CSNK1D: variants seen among roughly 807,000 people sequenced by gnomAD.
CSNK1D encodes the protein casein kinase I isoform delta.
Under a neutral mutation model 46.6 loss-of-function variants are expected in CSNK1D, and 16 were observed. That is an observed-to-expected ratio of 0.34 (90% CI 0.23 to 0.52). The LOEUF is 0.52. CSNK1D is among the 20% of genes least tolerant of loss of function. The probability of loss-of-function intolerance (pLI) is 0.95; values close to 1 mark genes in which losing one functional copy is unlikely to be tolerated. For missense variants in CSNK1D, 398 were observed against 578.4 expected, an observed-to-expected ratio of 0.69 and a Z score of 3.20; for synonymous variants, 276 against 228.2, an observed-to-expected ratio of 1.21 and a Z score of -1.89.
intron 2 of CSNK1D, among the ~76,000 whole-genome samples, chr17:82,256,908 C>T (rs1047562628): frequency 8.5e-5 from 13 of 152,188 alleles, no homozygotes; most frequent in African/African-American, 3.1e-4. Context: ...TTAGTTTAGT[C>T]TTAAAGCAAG....
At chr17:82,259,675 C>T (rs773756993) in intron 2 of CSNK1D, among the ~76,000 whole-genome samples, 11 of 152,180 alleles carry the variant, frequency 7.2e-5, no homozygotes, top group Non-Finnish European at 1.3e-4. Flanking sequence ...GCTAGAAGCT[C>T]CCCAGGGCTC....
Position 82,244,013 on chromosome 17 carries a change from C to T in CSNK1D, c.*768G>A, listed in dbSNP as rs890135080. On this transcript the variant is annotated 3_prime_UTR_variant, in exon 9 of 9. Transcript: ENST00000314028. ...TAACACCCACTGCACCCCTGCCCCG[C>T]GGCAGCCTGCGGTCCCTAACTGCTC... 4.1e-6 allele frequency: 4 copies of T among 987,000 alleles called. No individual in the cohort carries two copies. The highest frequency in any genetic ancestry group is 1.1e-4 in the East Asian group (1 of 8,854). 61.1% of individuals were successfully genotyped at this position (987,000 alleles called of 1,614,324 possible). A position where few individuals can be genotyped will look rare whatever the true frequency, so the allele number is the denominator to read the frequency against.
At chr17:82,240,963 C>T (rs1263088873), downstream of CSNK1D, among the ~76,000 whole-genome samples, 4 of 152,182 alleles carry the variant, frequency 2.6e-5, no homozygotes, top group Non-Finnish European at 5.9e-5. Context: ...GCCCGGAGCC[C>T]ACTGGGAAGA....
In CSNK1D at chr17:82,250,795, A is replaced by C; in HGVS notation, c.885+584T>G. The stretch of plus-strand genomic sequence containing the variant: ...ACTGACAACAAAACAGTAAGTTTTT[A>C]ATGAAGGAACACAACAGTTCCACAG... On this transcript the variant is annotated intron_variant, in intron 6 of 8. Coordinates refer to ENST00000314028, the MANE Select transcript of CSNK1D (RefSeq NM_001893.6). The surrounding 1 kb of genome is among the most constrained non-coding windows in gnomAD (Gnocchi z 4.6). The C allele has an allele frequency of 5.9e-6, 1 of 168,080 alleles. No homozygotes were observed. Among genetic ancestry groups the C allele is most frequent in the Admixed American group, 5.5e-5 (1 of 18,208 alleles). 10.4% of individuals were successfully genotyped at this position (168,080 alleles called of 1,614,324 possible). A position where few individuals can be genotyped will look rare whatever the true frequency, so the allele number is the denominator to read the frequency against.
chr17:82,260,654 C>G lies in CSNK1D; in HGVS notation c.187+5032G>C, dbSNP rs5029176. 2.1e-3 allele frequency among the ~76,000 whole-genome samples: 261 copies of G among 122,568 alleles called. 1 individual carries two copies. The highest frequency in any genetic ancestry group is 7.0e-3 in the African/African-American group (173 of 24,598). The allele number at this position is 122,568 out of a possible 152,430, so 80.4% of individuals were successfully genotyped here. A position where few individuals can be genotyped will look rare whatever the true frequency, so the allele number is the denominator to read the frequency against. On this transcript the variant is annotated intron_variant, in intron 2 of 8. Coordinates refer to ENST00000314028, the MANE Select transcript of CSNK1D (RefSeq NM_001893.6). ...AGTGACGTGACTGATGGTGTACTGA[C>G]TGATGTGACTGATGGTGTACTGACT...
chr17:82,248,297 G>A lies in CSNK1D; in HGVS notation c.1197+578C>T, dbSNP rs1475044206. 1.0e-5 allele frequency: 10 copies of A among 988,162 alleles called. No individual in the cohort carries two copies. Among genetic ancestry groups the A allele is most frequent in the Non-Finnish European group, 1.2e-5 (10 of 831,640 alleles). 61.2% of individuals were successfully genotyped at this position (988,162 alleles called of 1,614,324 possible). On this transcript the variant is annotated intron_variant, in intron 8 of 8. Transcript: ENST00000314028. The surrounding 1 kb of genome is among the most constrained non-coding windows in gnomAD (Gnocchi z 4.1). ...CAGAGCGAGGAGAGGAGAGACCGCT[G>A]CAGGATGCTGAAGAGGCGGTGGCCG...
chr17:82,272,812 G>C (rs1599629131), intron 1 of CSNK1D, among the ~76,000 whole-genome samples: 1 of 152,314 alleles, frequency 6.6e-6, no homozygotes, highest in East Asian at 1.9e-4. Context: ...AAAGAGCGTG[G>C]CCTTTGTTTA....
At position 82,242,708 on chromosome 17, in the gene CSNK1D, TAAAGTACAC is replaced by T; in HGVS notation, c.*2064_*2072del. On this transcript the variant is annotated 3_prime_UTR_variant, in exon 9 of 9. Coordinates refer to ENST00000314028, the MANE Select transcript of CSNK1D (RefSeq NM_001893.6). ...ATGAATTTATTATTTACACGATTGT[TAAAGTACAC>T]AAATACAGTGGCGATACAAACGCAC... 4.1e-6 allele frequency: 4 copies of T among 985,408 alleles called. No individual in the cohort carries two copies. Among genetic ancestry groups the T allele is most frequent in the Non-Finnish European group, 4.8e-6 (4 of 829,904 alleles). 61.0% of individuals were successfully genotyped at this position (985,408 alleles called of 1,614,324 possible). A position where few individuals can be genotyped will look rare whatever the true frequency, so the allele number is the denominator to read the frequency against.
In CSNK1D at chr17:82,243,014, A is replaced by G; in HGVS notation, c.*1767T>C. ...GGGTGGGGGACGTCTACCTTCAAGA[A>G]GGGGTCCAGCAACAAAGAAAATCTC... On this transcript the variant is annotated 3_prime_UTR_variant, in exon 9 of 9. Transcript: ENST00000314028. 1.0e-6 allele frequency: 1 copy of G among 985,444 alleles called. No homozygotes were observed. Among genetic ancestry groups the G allele is most frequent in the Non-Finnish European group, 1.2e-6 (1 of 829,936 alleles). 61.0% of individuals were successfully genotyped at this position (985,444 alleles called of 1,614,324 possible).
chr17:82,249,895 C>A lies in CSNK1D; in HGVS notation c.886-293G>T, dbSNP rs1599583362. On this transcript the variant is annotated intron_variant, in intron 6 of 8. Transcript: ENST00000314028. The surrounding 1 kb of genome is among the most constrained non-coding windows in gnomAD (Gnocchi z 6.7). ...AAACTTCCAAATGGGCAGCAGCTAC[C>A]CCCTGCTGCTCTGTGAACATGCTCA... 1.5e-6 allele frequency: 2 copies of A among 1,371,872 alleles called. No individual in the cohort carries two copies. Among genetic ancestry groups the A allele is most frequent in the Admixed American group, 3.0e-5 (1 of 32,990 alleles). The allele number at this position is 1,371,872 out of a possible 1,614,324, so 85.0% of individuals were successfully genotyped here.
intron 8 of CSNK1D, 77 bp from the exon 9 acceptor site, chr17:82,244,908 C>A: frequency 6.3e-7 from 1 of 1,599,012 alleles, no homozygotes. Flanking sequence ...AGTGACGGTG[C>A]TGGGCAGGGA....
intron 1 of CSNK1D, among the ~76,000 whole-genome samples, chr17:82,270,313 C>T (rs991037742): frequency 2.0e-5 from 3 of 152,220 alleles, no homozygotes; most frequent in Non-Finnish European, 4.4e-5. Flanking sequence ...TTCTAGCCCA[C>T]AGGCACTCCA....
chr17:82,248,510 T>A lies in CSNK1D; in HGVS notation c.1197+365A>T. On this transcript the variant is annotated intron_variant, in intron 8 of 8. Transcript: ENST00000314028. The surrounding 1 kb of genome is among the most constrained non-coding windows in gnomAD (Gnocchi z 4.1). ...ATGAGGAAGAATGAGGAAGGCTCCC[T>A]CGGGCTGGGGGCACCCACAATGGGG... 9.0e-7 allele frequency: 1 copy of A among 1,111,384 alleles called. No homozygotes were observed. The highest frequency in any genetic ancestry group is 1.1e-6 in the Non-Finnish European group (1 of 903,928). 68.8% of individuals were successfully genotyped at this position (1,111,384 alleles called of 1,614,324 possible).
chr17:82,263,316 C>A (rs1437697609), intron 2 of CSNK1D, among the ~76,000 whole-genome samples: 1 of 152,216 alleles, frequency 6.6e-6, no homozygotes, highest in Non-Finnish European at 1.5e-5. Context: ...GCTCGAAGCC[C>A]AAATGGGAGA....
intron 3 of CSNK1D, 169 bp from the exon 4 acceptor site, chr17:82,253,413 G>A (rs116113860): frequency 3.0e-6 from 2 of 669,412 alleles, no homozygotes; most frequent in Non-Finnish European, 5.5e-6. Context: ...TGTTCCCCCA[G>A]GTGCCTGCAG....
intron 1 of CSNK1D, among the ~76,000 whole-genome samples, chr17:82,271,238 G>A (rs1008141286): frequency 6.6e-6 from 1 of 152,128 alleles, no homozygotes; most frequent in Non-Finnish European, 1.5e-5. Context: ...ACCACGCCTG[G>A]CCAATTTTTG....
chr17:82,245,987 T>G (rs1269344325), intron 8 of CSNK1D: 2 of 1,606,736 alleles, frequency 1.2e-6, no homozygotes, highest in Non-Finnish European at 1.7e-6. Context: ...CAGTGCTGCC[T>G]TCCGATGGGA....
chr17:82,260,738 C>CGACTGATGTGACTGATGGTATACT (rs1316011273), intron 2 of CSNK1D, among the ~76,000 whole-genome samples: 12 of 115,186 alleles, frequency 1.0e-4, no homozygotes, highest in Admixed American at 4.4e-4. Context: ...GACGGTGTAC[C>CGACTGATGTGACTGATGGTATACT]GACTGATGTG....
Position 82,249,253 on chromosome 17 carries a change from A to G in CSNK1D, c.1057+178T>C. On this transcript the variant is annotated intron_variant, in intron 7 of 8. Transcript: ENST00000314028. The surrounding 1 kb of genome is among the most constrained non-coding windows in gnomAD (Gnocchi z 6.7). ...TGCGGGAGGAATCACGCACACCAGC[A>G]GGTGCCGGCATTTCTAAAGGCGCCT... 1 of 775,990 alleles carries G rather than the reference A, an allele frequency of 1.3e-6. No homozygotes were observed. Among genetic ancestry groups the G allele is most frequent in the Non-Finnish European group, 2.0e-6 (1 of 493,636 alleles). 48.1% of individuals were successfully genotyped at this position (775,990 alleles called of 1,614,324 possible).
Sources: gnomAD v4.1 joint callset for allele counts (sites outside exome capture counted in the v4.1 genomes callset) on GRCh38, gnomAD v4.1.1 for gene constraint, Gnocchi (gnomAD v3.1) non-coding constraint, MANE v1.5 for transcripts, NCBI Gene and HGNC (gene_info 2026-07-23, HGNC 2026-07-21) for gene names.